The following CNTN5 variants were observed in gnomAD, a reference collection of about 807,000 sequenced individuals.
The protein encoded by CNTN5 is contactin 5.
Under a neutral mutation model 129.1 loss-of-function variants are expected in CNTN5, and 77 were observed. That is an observed-to-expected ratio of 0.60 (90% CI 0.50 to 0.72). The LOEUF is 0.72. CNTN5 is among the 30% of genes least tolerant of loss of function. The pLI is 0.00. For missense variants in CNTN5, 1,478 were observed against 1,328.8 expected, an observed-to-expected ratio of 1.11 and a Z score of -1.75; for synonymous variants, 509 against 465.6, an observed-to-expected ratio of 1.09 and a Z score of -1.20.
chr11:99,986,305 G>T (rs944945815), intron 8 of CNTN5, among the ~76,000 whole-genome samples: 25 of 152,038 alleles, frequency 1.6e-4, no homozygotes, highest in African/African-American at 5.3e-4. Context: ...TTCATTTCAT[G>T]ATTATATCCA....
intron 7 of CNTN5, among the ~76,000 whole-genome samples, chr11:99,918,442 T>C (rs1418558339): frequency 6.6e-6 from 1 of 152,208 alleles, no homozygotes; most frequent in African/African-American, 2.4e-5. Context: ...AACTAGAATT[T>C]TTTTAAAAAC....
intron 2 of CNTN5, among the ~76,000 whole-genome samples, chr11:99,513,015 A>G (rs1946898701): frequency 6.6e-6 from 1 of 152,186 alleles, no homozygotes; most frequent in African/African-American, 2.4e-5. Context: ...TATGCCAAAC[A>G]GTTAGCCAAG....
intron 1 of CNTN5, among the ~76,000 whole-genome samples, chr11:99,226,829 C>A (rs539816705): frequency 6.6e-6 from 1 of 152,048 alleles, no homozygotes; most frequent in Non-Finnish European, 1.5e-5. Flanking sequence ...AAAATTCGTA[C>A]AAAACAGAGC....
chr11:100,148,422 C>CTCTT (rs1216153058), intron 13 of CNTN5, among the ~76,000 whole-genome samples: 3 of 152,284 alleles, frequency 2.0e-5, no homozygotes, highest in African/African-American at 4.8e-5. Context: ...TAGCCATAGC[C>CTCTT]TCTTTCTCTT....
At chr11:99,479,338 T>C (rs1945501678) in intron 2 of CNTN5, among the ~76,000 whole-genome samples, 1 of 151,930 alleles carries the variant, frequency 6.6e-6, no homozygotes, top group Non-Finnish European at 1.5e-5. Context: ...TTTACTGCTA[T>C]CCATTTACTA....
intron 21 of CNTN5, among the ~76,000 whole-genome samples, chr11:100,340,013 C>T (rs1040064728): frequency 6.6e-6 from 1 of 152,148 alleles, no homozygotes; most frequent in African/African-American, 2.4e-5. Flanking sequence ...CTCCATTAAA[C>T]TGATACAGCT....
At chr11:100,308,300 G>A (rs549168814) in intron 20 of CNTN5, 59 bp from the exon 21 acceptor site, 3 of 1,494,342 alleles carry the variant, frequency 2.0e-6, no homozygotes, top group Non-Finnish European at 2.7e-6. Context: ...ACAGACTCAG[G>A]CGCAATACTT....
At chr11:99,753,693 T>TTC (rs1944314399) in intron 3 of CNTN5, among the ~76,000 whole-genome samples, 1 of 51,310 alleles carries the variant, frequency 1.9e-5, no homozygotes, top group Admixed American at 2.1e-4. Flanking sequence ...ATCACTTCCT[T>TTC]TTTTTTTTTT....
chr11:99,410,876 A>G (rs186192350), intron 2 of CNTN5, among the ~76,000 whole-genome samples: 9 of 152,316 alleles, frequency 5.9e-5, no homozygotes, highest in Admixed American at 3.9e-4. Context: ...TTAGAAAATT[A>G]ATGAATCAGC....
intron 1 of CNTN5, among the ~76,000 whole-genome samples, chr11:99,317,508 T>C (rs1390538694): frequency 6.6e-6 from 1 of 151,910 alleles, no homozygotes; most frequent in Non-Finnish European, 1.5e-5. Flanking sequence ...GGGTGAGATG[T>C]GGTTTTTGGA....
intron 16 of CNTN5, among the ~76,000 whole-genome samples, chr11:100,255,028 A>G (rs1369141818): frequency 2.6e-5 from 4 of 152,232 alleles, no homozygotes; most frequent in Non-Finnish European, 5.9e-5. Context: ...GATGAAGTCC[A>G]TATGCACACA....
chr11:99,938,360 G>T (rs2136102639), intron 7 of CNTN5, among the ~76,000 whole-genome samples: 1 of 152,214 alleles, frequency 6.6e-6, no homozygotes, highest in African/African-American at 2.4e-5. Flanking sequence ...AATAGAGACT[G>T]CTTAGCAAAA....
intron 13 of CNTN5, among the ~76,000 whole-genome samples, chr11:100,180,424 C>A (rs1029530458): frequency 6.6e-6 from 1 of 151,866 alleles, no homozygotes; most frequent in Non-Finnish European, 1.5e-5. Context: ...AAAACAAAGA[C>A]AAACAACAAC....
At chr11:99,153,815 C>CTTTT (rs60782977) in intron 1 of CNTN5, among the ~76,000 whole-genome samples, 19 of 103,328 alleles carry the variant, frequency 1.8e-4, no homozygotes, top group African/African-American at 5.9e-4. Flanking sequence ...CTTTGAATGG[C>CTTTT]TTTTTTTTTT....
intron 2 of CNTN5, among the ~76,000 whole-genome samples, chr11:99,514,889 G>C (rs1946986831): frequency 6.6e-6 from 1 of 151,916 alleles, no homozygotes; most frequent in Non-Finnish European, 1.5e-5. Context: ...GAAAACTTTT[G>C]ATATTTCCTT....
chr11:99,961,472 A>C (rs57653395), intron 8 of CNTN5, among the ~76,000 whole-genome samples: 11,420 of 152,180 alleles, frequency 0.075, 787 homozygotes, highest in African/African-American at 0.17. Context: ...AGAAGTGGAG[A>C]AAACTAAAAC....
At chr11:99,655,569 T>A (rs536660389) in intron 3 of CNTN5, among the ~76,000 whole-genome samples, 1 of 152,258 alleles carries the variant, frequency 6.6e-6, no homozygotes, top group African/African-American at 2.4e-5. Flanking sequence ...AAGCAAACAG[T>A]TGCAGTGTCA....
intron 9 of CNTN5, among the ~76,000 whole-genome samples, chr11:100,055,134 T>C (rs1467328982): frequency 1.3e-5 from 2 of 151,502 alleles, no homozygotes; most frequent in Non-Finnish European, 3.0e-5. Context: ...ATATACCTCA[T>C]TTGTTTGTAA....
At chr11:99,459,810 A>C (rs944832446) in intron 2 of CNTN5, among the ~76,000 whole-genome samples, 2 of 152,010 alleles carry the variant, frequency 1.3e-5, no homozygotes, top group African/African-American at 2.4e-5. Context: ...ACTAGTTGTC[A>C]TGAGAACTGG....
Sources: allele counts gnomAD v4.1 joint callset (sites outside exome capture counted in the v4.1 genomes callset), GRCh38; gene constraint gnomAD v4.1.1; transcripts MANE v1.5; gene names NCBI Gene and HGNC (gene_info 2026-07-23, HGNC 2026-07-21).